The following C22orf42 variants were observed in gnomAD, a reference collection of about 807,000 sequenced individuals.
C22orf42 encodes uncharacterized protein C22orf42.
A neutral mutation model predicts 31.4 loss-of-function variants in C22orf42; 24 were observed. That is an observed-to-expected ratio of 0.77 (90% CI 0.55 to 1.08). C22orf42 has a LOEUF of 1.08. Among genes scored for constraint, C22orf42 ranks in the 50% least tolerant of loss-of-function variants. C22orf42 has a pLI of 0.00. For synonymous variants in C22orf42, 96 were observed against 112.7 expected, an observed-to-expected ratio of 0.85 and a Z score of 0.94; for missense variants, 276 against 327.3, an observed-to-expected ratio of 0.84 and a Z score of 1.21.
At chr22:32,155,454 G>C (rs1158962822) in intron 1 of C22orf42, among the ~76,000 whole-genome samples, 1 of 151,084 alleles carries the variant, frequency 6.6e-6, no homozygotes, top group Non-Finnish European at 1.5e-5. Flanking sequence ...TGGCCTGGAG[G>C]TGGCCTGCCA....
At chr22:32,154,900 G>A (rs1921179052) in intron 1 of C22orf42, among the ~76,000 whole-genome samples, 1 of 152,332 alleles carries the variant, frequency 6.6e-6, no homozygotes, top group Non-Finnish European at 1.5e-5. Context: ...GCAGGGGAGG[G>A]TGGAAGGTGA....
rs1555972982 is a variant in C22orf42 at position 32,149,650 on chromosome 22, A to AAAAT, written c.683-38_683-37insATTT. 1.2e-4 allele frequency: 142 copies of AAAAT among 1,191,102 alleles called. No homozygotes were observed. In the African/African-American group the frequency reaches 1.6e-3, roughly 14 times the overall value. 73.8% of individuals were successfully genotyped at this position (1,191,102 alleles called of 1,614,324 possible). On this transcript the variant is annotated intron_variant, in intron 8 of 8. Coordinates refer to ENST00000382097, the MANE Select transcript of C22orf42 (RefSeq NM_001010859.3). ...GAACAAGACTTCATCTCAAAAAAAA[A>AAAAT]ATATATATATATATATATCTACATA... is the stretch of plus-strand genomic sequence containing the variant.
intron 6 of C22orf42, 100 bp from the exon 7 acceptor site, chr22:32,150,579 C>T (rs1603176580): frequency 8.0e-6 from 10 of 1,248,220 alleles, no homozygotes; most frequent in South Asian, 5.1e-5. Context: ...TGCAGGTGGG[C>T]GGTTGACAGG....
Position 32,159,010 on chromosome 22 carries a change from G to A in C22orf42, c.206C>T (p.Thr69Met), listed in dbSNP as rs78036098. 0.016 allele frequency: 26,201 copies of A among 1,614,058 alleles called. 256 individuals carry two copies. Among genetic ancestry groups the A allele is most frequent in the Non-Finnish European group, 0.019 (22,324 of 1,179,922 alleles). Reference protein sequence around the residue: ...QLMQYLSLPKTPKMLKMSKGL... With the variant: ...QLMQYLSLPKMPKMLKMSKGL... The stretch of plus-strand genomic sequence containing the variant: ...TTTGGACATCTTCAGCATCTTCGGC[G>A]TCTTCGGGAGGCTGAGGTACTGCAT... Residue 69 changes from threonine (T) to methionine (M), a missense_variant, in exon 1 of 9, where the codon ACG becomes ATG. Thr to Met is a moderately conservative substitution (Grantham distance 81, BLOSUM62 -1). Transcript: ENST00000382097.
rs775375333 is a variant in C22orf42 at position 32,150,337 on chromosome 22, G to C, written c.636C>G (p.Asp212Glu). Residue 212 changes from aspartate to glutamate, a missense_variant, in exon 7 of 9, where the codon GAC becomes GAG. Transcript: ENST00000382097. ...ATCTTACCATCTCCGGTGTCATGAG[G>C]TCTTCAAGAGAGACAGATAGGCTTT... is the stretch of plus-strand genomic sequence containing the variant. The part of the protein sequence containing the change: ...LSESLSVSLE[D>E]LMTPEMAKER... 2 of 1,613,734 alleles carry C rather than the reference G, an allele frequency of 1.2e-6. No homozygotes were observed. Among genetic ancestry groups the C allele is most frequent in the East Asian group, 4.5e-5 (2 of 44,894 alleles).
intron 1 of C22orf42, among the ~76,000 whole-genome samples, chr22:32,157,122 A>G (rs1028491549): frequency 6.6e-6 from 1 of 151,866 alleles, no homozygotes; most frequent in African/African-American, 2.4e-5. Flanking sequence ...TTCTCTATTT[A>G]TCACTTTATT....
Position 32,149,456 on chromosome 22 carries a change from T to G in C22orf42, c.*84A>C. 7.3e-7 allele frequency: 1 copy of G among 1,372,060 alleles called. No individual in the cohort carries two copies. Among genetic ancestry groups the G allele is most frequent in the Non-Finnish European group, 9.6e-7 (1 of 1,042,290 alleles). The allele number at this position is 1,372,060 out of a possible 1,614,324, so 85.0% of individuals were successfully genotyped here. ...AGAGAGAGAGGCTTGTGATTTTTTT[T>G]TCACCCAGATGGAAATATGCATTCA... On this transcript the variant is annotated 3_prime_UTR_variant, in exon 9 of 9. Coordinates refer to ENST00000382097, the MANE Select transcript of C22orf42 (RefSeq NM_001010859.3).
In C22orf42 at chr22:32,149,513, C is replaced by T. The variant is rs748881470; in HGVS notation, c.*27G>A. The T allele has an allele frequency of 1.1e-5, 17 of 1,510,146 alleles. No individual in the cohort carries two copies. The highest frequency in any genetic ancestry group is 6.9e-5 in the African/African-American group (5 of 71,984). The allele number at this position is 1,510,146 out of a possible 1,614,324, so 93.5% of individuals were successfully genotyped here. On this transcript the variant is annotated 3_prime_UTR_variant, in exon 9 of 9. Transcript: ENST00000382097. ...GATTTGAGCTGGGCGTGATGGCAGGCGTCTGTAATCCCAGCTACTTGGAAC... is the reference window on the plus strand; with the variant it reads ...GATTTGAGCTGGGCGTGATGGCAGGTGTCTGTAATCCCAGCTACTTGGAAC...
chr22:32,151,213 A>G (rs2094112696), intron 5 of C22orf42, among the ~76,000 whole-genome samples, 194 bp from the exon 6 acceptor site: 1 of 152,018 alleles, frequency 6.6e-6, no homozygotes, highest in African/African-American at 2.4e-5. Flanking sequence ...TAGCAAGTCT[A>G]TGTTGGCTGG....
chr22:32,155,488 A>G (rs1359972332), intron 1 of C22orf42, among the ~76,000 whole-genome samples: 8 of 151,220 alleles, frequency 5.3e-5, no homozygotes, highest in Admixed American at 6.6e-5. Flanking sequence ...ACAGCATACC[A>G]TGGAGCTGCT....
chr22:32,152,594 C>T lies in C22orf42; in HGVS notation c.340G>A (p.Gly114Ser), dbSNP rs553721813. 4.1e-5 allele frequency: 66 copies of T among 1,613,612 alleles called. No homozygotes were observed. In the Admixed American group the frequency reaches 4.8e-4, roughly 12 times the overall value. ...GATGTCATATTCTCCTCCACACCGC[C>T]GTGTGCAGACGCCTGCACATCTTCA... ...PTEDVQASAH[G>S]GVEENMTSDI... Residue 114 changes from glycine (G) to serine (S), a missense_variant, in exon 3 of 9, where the codon GGC becomes AGC. Coordinates refer to ENST00000382097, the MANE Select transcript of C22orf42 (RefSeq NM_001010859.3).
intron 1 of C22orf42, among the ~76,000 whole-genome samples, chr22:32,155,097 C>G (rs111717541): frequency 0.013 from 1,993 of 152,280 alleles, 40 homozygotes; most frequent in African/African-American, 0.04. Flanking sequence ...GCATGAAGAT[C>G]TGGGACAAGA....
rs533513856 is a variant in C22orf42 at position 32,154,450 on chromosome 22, G to A, written c.233-132C>T. 53 of 1,114,284 alleles carry A rather than the reference G, an allele frequency of 4.8e-5. No individual in the cohort carries two copies. The South Asian group carries it at 5.9e-4, about 12-fold the overall frequency. The allele number at this position is 1,114,284 out of a possible 1,614,324, so 69.0% of individuals were successfully genotyped here. On this transcript the variant is annotated intron_variant, in intron 1 of 8. Transcript: ENST00000382097. ...ATTCACAGATGAAAGTTTTGATCCC[G>A]GTTTGCACCGTCTGCTTTTCAACTC...
chr22:32,150,503 G>A (rs372299175), intron 6 of C22orf42, 24 bp from the exon 7 acceptor site: 2 of 1,612,992 alleles, frequency 1.2e-6, no homozygotes, highest in Non-Finnish European at 1.7e-6. Context: ...GTGACAGTCA[G>A]TGCATTGGTG....
At chr22:32,150,786 C>T (rs1270513439) in intron 6 of C22orf42, 1 of 649,716 alleles carries the variant, frequency 1.5e-6, no homozygotes, top group Non-Finnish European at 2.8e-6. Context: ...TGCCTAGATC[C>T]AGGGGTGTGG....
chr22:32,152,733 G>A (rs1921039050), intron 2 of C22orf42, 107 bp from the exon 3 acceptor site: 2 of 976,790 alleles, frequency 2.0e-6, no homozygotes, highest in Non-Finnish European at 3.3e-6. Flanking sequence ...GTGGGCGGTT[G>A]ACAGGCATGG....
chr22:32,149,653 AT>A (rs200515923), intron 8 of C22orf42, 40 bp from the exon 9 acceptor site: 21,963 of 1,224,906 alleles, frequency 0.018, 137 homozygotes, highest in Non-Finnish European at 0.02. Context: ...AAAAAAAAAT[AT>A]ATATATATAT....
upstream of C22orf42, chr22:32,159,316 C>T: frequency 4.7e-6 from 7 of 1,504,818 alleles, no homozygotes; most frequent in Non-Finnish European, 6.2e-6. Context: ...AGGCTGCTGG[C>T]CCTGGCCGTT....
chr22:32,157,668 A>G (rs1921336614), intron 1 of C22orf42, among the ~76,000 whole-genome samples: 1 of 152,256 alleles, frequency 6.6e-6, no homozygotes, highest in African/African-American at 2.4e-5. Context: ...CATAACAAGA[A>G]CCAAGAGGCA....
Sources: gnomAD v4.1 joint callset for allele counts (sites outside exome capture counted in the v4.1 genomes callset) on GRCh38, gnomAD v4.1.1 for gene constraint, MANE v1.5 for transcripts, NCBI Gene and HGNC (gene_info 2026-07-23, HGNC 2026-07-21) for gene names.